BACH2: variants seen among roughly 807,000 people sequenced by gnomAD.
BACH2 encodes the protein BACH transcriptional regulator 2, also known as transcription regulator protein BACH2.
In BACH2, 5 loss-of-function variants were observed where a neutral mutation model predicts 61.8. The ratio of observed to expected loss-of-function variants is 0.08; its 90% CI spans 0.04 to 0.17. The LOEUF (loss-of-function observed/expected upper bound fraction) is 0.17, where lower values mean the gene tolerates loss of function less well. Ranked by LOEUF, BACH2 falls within the 10% of genes least tolerant of loss-of-function variation. The probability of loss-of-function intolerance (pLI) is 1.00; values close to 1 mark genes in which losing one functional copy is unlikely to be tolerated. For synonymous variants in BACH2, 446 were observed against 440.1 expected (o/e 1.01, Z -0.17); for missense variants, 824 against 1,091.1 (o/e 0.76, Z 3.45).
intron 8 of BACH2, among the ~76,000 whole-genome samples, chr6:89,937,578 G>A (rs1463319303): frequency 1.3e-5 from 2 of 152,088 alleles, no homozygotes; most frequent in East Asian, 3.9e-4. Context: ...CACCCAGGCT[G>A]GAATGCAGTG....
At chr6:90,282,984 A>G (rs978430113) in intron 1 of BACH2, among the ~76,000 whole-genome samples, 1 of 152,262 alleles carries the variant, frequency 6.6e-6, no homozygotes, top group Non-Finnish European at 1.5e-5. Flanking sequence ...AACTAAATAC[A>G]AAAACTCCCA....
intron 7 of BACH2, among the ~76,000 whole-genome samples, chr6:89,939,656 C>CTTTTTTTTTTTTT (rs71298713): frequency 2.4e-5 from 2 of 82,628 alleles, no homozygotes; most frequent in African/African-American, 9.5e-5. Flanking sequence ...GCTTATATTT[C>CTTTTTTTTTTTTT]TTTTTTTTTT....
chr6:90,237,829 C>A (rs1398715437), intron 3 of BACH2, among the ~76,000 whole-genome samples: 1 of 152,182 alleles, frequency 6.6e-6, no homozygotes, highest in African/African-American at 2.4e-5. Context: ...AGAACTCCAT[C>A]AAGGTGGACA....
At chr6:90,036,587 T>C (rs1318865819) in intron 5 of BACH2, among the ~76,000 whole-genome samples, 1 of 152,158 alleles carries the variant, frequency 6.6e-6, no homozygotes, top group Non-Finnish European at 1.5e-5. Context: ...TCATTACACA[T>C]CCATCCATCT....
At chr6:90,213,948 A>T (rs1031947158) in intron 3 of BACH2, among the ~76,000 whole-genome samples, 2 of 152,182 alleles carry the variant, frequency 1.3e-5, no homozygotes, top group African/African-American at 4.8e-5. Flanking sequence ...ATAGAAGTCC[A>T]AATTAAGAAT....
chr6:89,943,844 T>C (rs1773577411), intron 7 of BACH2, among the ~76,000 whole-genome samples: 1 of 152,242 alleles, frequency 6.6e-6, no homozygotes, highest in Non-Finnish European at 1.5e-5. Flanking sequence ...CACATTAGCA[T>C]GATACCCTGA....
chr6:90,072,448 T>C lies in BACH2; in HGVS notation c.-13+16513A>G, dbSNP rs149677840. ...GCCAGCAGTGTTGAAATGAGATATT[T>C]TAGGATTTCCAAACTATTTCTAAGG... On this transcript the variant is annotated intron_variant, in intron 5 of 8. Transcript: ENST00000257749. Among the ~76,000 whole-genome samples the C allele has an allele frequency of 7.8e-3, 1,189 of 152,300 alleles. 16 individuals are homozygous for C. Among genetic ancestry groups the C allele is most frequent in the African/African-American group, 0.027 (1,129 of 41,562 alleles).
At chr6:90,209,347 A>C (rs542295417) in intron 3 of BACH2, among the ~76,000 whole-genome samples, 1 of 152,372 alleles carries the variant, frequency 6.6e-6, no homozygotes, top group South Asian at 2.1e-4. Flanking sequence ...ATGGCTTCAA[A>C]GTCAAGAAAA....
At chr6:90,180,595 G>C (rs1768124336) in intron 4 of BACH2, among the ~76,000 whole-genome samples, 1 of 152,098 alleles carries the variant, frequency 6.6e-6, no homozygotes. Flanking sequence ...TGTACCCATA[G>C]CTTAGCACCT....
intron 1 of BACH2, among the ~76,000 whole-genome samples, chr6:90,279,746 C>T (rs906533333): frequency 9.9e-5 from 15 of 152,166 alleles, no homozygotes; most frequent in African/African-American, 2.4e-4. Context: ...TTTTACTATA[C>T]AGTAAAGCAT....
chr6:90,168,560 A>G (rs973173175), intron 4 of BACH2, among the ~76,000 whole-genome samples: 3 of 152,204 alleles, frequency 2.0e-5, no homozygotes, highest in Non-Finnish European at 4.4e-5. Flanking sequence ...AAGGATCTGT[A>G]TTAGAGGTTC....
chr6:89,979,722 A>G (rs1296232490), intron 6 of BACH2, among the ~76,000 whole-genome samples: 1 of 152,264 alleles, frequency 6.6e-6, no homozygotes, highest in East Asian at 1.9e-4. Flanking sequence ...AAGAAATGCT[A>G]TACAGATATG....
chr6:89,984,336 T>C (rs762637466), intron 6 of BACH2, among the ~76,000 whole-genome samples: 4 of 151,902 alleles, frequency 2.6e-5, no homozygotes, highest in African/African-American at 4.8e-5. Context: ...AACGAGAGGA[T>C]TATTGTAAAT....
chr6:90,004,636 C>T (rs564073003), intron 6 of BACH2, among the ~76,000 whole-genome samples: 9 of 152,292 alleles, frequency 5.9e-5, no homozygotes, highest in Non-Finnish European at 1.3e-4. Flanking sequence ...GTCCTCTGAA[C>T]TTGACACGCC....
intron 5 of BACH2, among the ~76,000 whole-genome samples, chr6:90,032,156 T>C (rs1277509198): frequency 6.6e-6 from 1 of 151,930 alleles, no homozygotes; most frequent in Non-Finnish European, 1.5e-5. Context: ...TAGCCATATG[T>C]AGAAAGCTGA....
At chr6:90,022,312 G>A (rs145840536) in intron 5 of BACH2, among the ~76,000 whole-genome samples, 191 of 152,304 alleles carry the variant, frequency 1.3e-3, no homozygotes, top group Admixed American at 3.5e-3. Flanking sequence ...GGTCAGGCGC[G>A]GTGGCTCATG....
At chr6:90,057,240 A>C (rs987822816) in intron 5 of BACH2, among the ~76,000 whole-genome samples, 3 of 152,228 alleles carry the variant, frequency 2.0e-5, no homozygotes, top group African/African-American at 4.8e-5. Flanking sequence ...ACTAATCAAG[A>C]AGAAAAGAGA....
intron 6 of BACH2, among the ~76,000 whole-genome samples, chr6:89,978,835 T>C (rs1006049239): frequency 1.3e-5 from 2 of 152,278 alleles, no homozygotes; most frequent in South Asian, 2.1e-4. Flanking sequence ...CCCTGACTTA[T>C]AAACATCCCC....
chr6:90,014,440 G>GTGTGTGTGTGTGTATATATA (rs1330299169), intron 5 of BACH2, among the ~76,000 whole-genome samples: 7 of 48,034 alleles, frequency 1.5e-4, no homozygotes, highest in Non-Finnish European at 1.7e-4. Flanking sequence ...GTGTGTGTGT[G>GTGTGTGTGTGTGTATATATA]TATATATATA....
Sources: allele counts gnomAD v4.1 joint callset (sites outside exome capture counted in the v4.1 genomes callset), GRCh38; gene constraint gnomAD v4.1.1; transcripts MANE v1.5; gene names NCBI Gene and HGNC (gene_info 2026-07-23, HGNC 2026-07-21).